The following LRRIQ1 variants were observed in gnomAD, a reference collection of about 807,000 sequenced individuals.
LRRIQ1 encodes the protein leucine rich repeats and IQ motif containing 1.
A neutral mutation model predicts 211.9 loss-of-function variants in LRRIQ1; 210 were observed. The ratio of observed to expected loss-of-function variants is 0.99; its 90% CI spans 0.89 to 1.11. The LOEUF is 1.11. Ranked by LOEUF, LRRIQ1 falls within the 50% of genes most tolerant of loss-of-function variation. The pLI is 0.00. For missense variants in LRRIQ1, 2,136 were observed against 1,939.5 expected (o/e 1.10, Z -1.90); for synonymous variants, 699 against 650.1 (o/e 1.08, Z -1.14).
At chr12:85,068,321 C>G (rs117769304) in intron 10 of LRRIQ1, among the ~76,000 whole-genome samples, 2 of 151,270 alleles carry the variant, frequency 1.3e-5, no homozygotes, top group East Asian at 3.9e-4. Flanking sequence ...TAGAAATAAG[C>G]TTAATTTCTG....
chr12:85,067,103 C>A (rs1169196728), intron 10 of LRRIQ1, among the ~76,000 whole-genome samples: 1 of 151,830 alleles, frequency 6.6e-6, no homozygotes, highest in East Asian at 1.9e-4. Context: ...CTCTGTAGTT[C>A]TTAGCAGTTA....
intron 10 of LRRIQ1, among the ~76,000 whole-genome samples, chr12:85,068,010 A>T (rs1882627931): frequency 6.6e-6 from 1 of 151,944 alleles, no homozygotes; most frequent in Non-Finnish European, 1.5e-5. Flanking sequence ...TGCCAGCGTG[A>T]TGATGCTGAA....
Position 85,051,926 on chromosome 12 carries a change from A to C in LRRIQ1, c.679-251A>C, listed in dbSNP as rs149568604. Among the ~76,000 whole-genome samples the C allele has an allele frequency of 1.3e-3, 199 of 152,286 alleles. 1 individual carries two copies. Among genetic ancestry groups the C allele is most frequent in the African/African-American group, 4.6e-3 (191 of 41,578 alleles). On this transcript the variant is annotated intron_variant, in intron 6 of 26. Transcript: ENST00000393217. ...GCCAATACATTATATTCTGTGAATAAACATACTCAAATAAATACAACTTTC... is the reference window on the plus strand; with the variant it reads ...GCCAATACATTATATTCTGTGAATACACATACTCAAATAAATACAACTTTC...
chr12:85,107,739 C>T (rs1886882166), intron 15 of LRRIQ1, among the ~76,000 whole-genome samples: 2 of 152,124 alleles, frequency 1.3e-5, no homozygotes, highest in South Asian at 2.1e-4. Flanking sequence ...CCTTTCCATG[C>T]CTCACTCACT....
At chr12:85,043,735 G>A (rs1250092361) in intron 3 of LRRIQ1, among the ~76,000 whole-genome samples, 1 of 151,894 alleles carries the variant, frequency 6.6e-6, no homozygotes, top group Non-Finnish European at 1.5e-5. Flanking sequence ...AACATCCAAG[G>A]TGTAGAACAA....
At chr12:85,078,950 A>G (rs909827276) in intron 11 of LRRIQ1, among the ~76,000 whole-genome samples, 4 of 152,188 alleles carry the variant, frequency 2.6e-5, no homozygotes, top group Admixed American at 2.6e-4. Flanking sequence ...TTATACTGGG[A>G]AGAAGGGTGT....
intron 1 of LRRIQ1, among the ~76,000 whole-genome samples, chr12:85,253,331 CT>C (rs1342290334): frequency 5.9e-5 from 9 of 152,026 alleles, no homozygotes; most frequent in Admixed American, 1.3e-4. Flanking sequence ...GTTTGAGTAA[CT>C]GCTGTTACTA....
intron 8 of LRRIQ1, among the ~76,000 whole-genome samples, chr12:85,062,093 T>A (rs1001045888): frequency 6.6e-6 from 1 of 151,884 alleles, no homozygotes; most frequent in African/African-American, 2.4e-5. Flanking sequence ...TTCTAAAATT[T>A]TGTACTTTTT....
At chr12:85,232,945 C>T (rs1895016326) in intron 26 of LRRIQ1, 189 bp downstream of exon 26, 1 of 499,146 alleles carries the variant, frequency 2.0e-6, no homozygotes, top group Non-Finnish European at 3.5e-6. Flanking sequence ...TAAAATGTGA[C>T]ATTGCTTAAA....
intron 24 of LRRIQ1, among the ~76,000 whole-genome samples, chr12:85,173,632 C>G (rs1389096552): frequency 6.6e-6 from 1 of 151,900 alleles, no homozygotes; most frequent in Non-Finnish European, 1.5e-5. Context: ...CACACACACA[C>G]ACGCACACAC....
chr12:85,206,031 A>G (rs1328582865), intron 24 of LRRIQ1, among the ~76,000 whole-genome samples: 2 of 152,166 alleles, frequency 1.3e-5, no homozygotes, highest in African/African-American at 2.4e-5. Flanking sequence ...CACTGGCCGC[A>G]ACACTCTGAA....
intron 10 of LRRIQ1, among the ~76,000 whole-genome samples, chr12:85,071,012 G>A (rs1355324169): frequency 6.6e-6 from 1 of 151,764 alleles, no homozygotes; most frequent in African/African-American, 2.4e-5. Context: ...TGATAATTTA[G>A]TTTGCTAAAT....
chr12:85,226,246 G>T (rs1432297663), intron 24 of LRRIQ1, among the ~76,000 whole-genome samples: 1 of 152,164 alleles, frequency 6.6e-6, no homozygotes, highest in Admixed American at 6.6e-5. Flanking sequence ...GGAAGACTGA[G>T]ATTATTTCTG....
downstream of LRRIQ1, among the ~76,000 whole-genome samples, chr12:85,269,211 C>T (rs1896484460): frequency 6.6e-6 from 1 of 151,870 alleles, no homozygotes; most frequent in African/African-American, 2.4e-5. Flanking sequence ...GGATCAACTA[C>T]CCTGATACCT....
intron 11 of LRRIQ1, among the ~76,000 whole-genome samples, chr12:85,077,270 T>C (rs961775259): frequency 1.3e-5 from 2 of 152,322 alleles, no homozygotes; most frequent in Admixed American, 6.5e-5. Flanking sequence ...AAATAGATAT[T>C]TGTAGAAAGT....
chr12:85,218,429 G>A (rs978323148), intron 24 of LRRIQ1, among the ~76,000 whole-genome samples: 4 of 152,048 alleles, frequency 2.6e-5, no homozygotes, highest in Admixed American at 1.3e-4. Flanking sequence ...AATATGGCTA[G>A]TAAATCCTTA....
chr12:85,238,215 G>A (rs573035716), intron 26 of LRRIQ1, among the ~76,000 whole-genome samples: 1 of 151,836 alleles, frequency 6.6e-6, no homozygotes, highest in East Asian at 1.9e-4. Context: ...CTCCAAAGTG[G>A]GGCAGAGAGA....
chr12:85,157,247 A>C (rs1372291851), intron 23 of LRRIQ1, among the ~76,000 whole-genome samples: 1 of 151,846 alleles, frequency 6.6e-6, no homozygotes, highest in African/African-American at 2.4e-5. Context: ...AGTATCGATG[A>C]CTTCTATTGG....
intron 11 of LRRIQ1, among the ~76,000 whole-genome samples, chr12:85,090,970 T>C (rs1885331680): frequency 6.6e-6 from 1 of 152,114 alleles, no homozygotes; most frequent in Non-Finnish European, 1.5e-5. Context: ...GTGGGAGGTG[T>C]TTGACTTATG....
Sources: allele counts gnomAD v4.1 joint callset (sites outside exome capture counted in the v4.1 genomes callset), GRCh38; gene constraint gnomAD v4.1.1; transcripts MANE v1.5; gene names NCBI Gene and HGNC (gene_info 2026-07-23, HGNC 2026-07-21).